TPH2: variants seen among roughly 807,000 people sequenced by gnomAD.
The protein encoded by TPH2 is tryptophan 5-hydroxylase 2.
Under a neutral mutation model 59.1 loss-of-function variants are expected in TPH2, and 27 were observed. The observed-to-expected ratio is 0.46, with a 90% CI of 0.34 to 0.63. TPH2 has a LOEUF of 0.63. Ranked by LOEUF, TPH2 falls within the 30% of genes least tolerant of loss-of-function variation. The pLI is 0.01. For missense variants in TPH2, 523 were observed against 588.3 expected, an observed-to-expected ratio of 0.89 and a Z score of 1.15; for synonymous variants, 220 against 210.5, an observed-to-expected ratio of 1.05 and a Z score of -0.39.
At chr12:71,966,529 A>G (rs181109380) in intron 5 of TPH2, among the ~76,000 whole-genome samples, 1 of 152,364 alleles carries the variant, frequency 6.6e-6, no homozygotes, top group East Asian at 1.9e-4. Context: ...TGAGAGGGAC[A>G]GTCTATTCCA....
intron 5 of TPH2, among the ~76,000 whole-genome samples, chr12:71,955,693 A>G (rs969635472): frequency 2.0e-5 from 3 of 152,194 alleles, no homozygotes; most frequent in African/African-American, 7.2e-5. Flanking sequence ...TTAGAACACT[A>G]CATGTGCTAT....
chr12:71,957,172 G>A (rs977009083), intron 5 of TPH2, among the ~76,000 whole-genome samples: 3 of 152,102 alleles, frequency 2.0e-5, no homozygotes, highest in Non-Finnish European at 4.4e-5. Context: ...GCATGATTGG[G>A]AGGATTAGCA....
Position 71,938,951 on chromosome 12 carries a change from C to T in TPH2, c.-36C>T, listed in dbSNP as rs1458783597. On this transcript the variant is annotated 5_prime_UTR_variant, in exon 1 of 11. Transcript: ENST00000333850. ...AGCGCTGCTACTGCCCCTCTAGTAC[C>T]CCCTGCTGCAGAGAAAGAATATTAC... 6.4e-7 allele frequency: 1 copy of T among 1,557,910 alleles called. No homozygotes were observed. Among genetic ancestry groups the T allele is most frequent in the Admixed American group, 1.7e-5 (1 of 59,954 alleles).
chr12:71,945,437 C>T (rs1325659883), intron 4 of TPH2, among the ~76,000 whole-genome samples: 1 of 151,974 alleles, frequency 6.6e-6, no homozygotes, highest in Admixed American at 6.6e-5. Flanking sequence ...TTTTTTCCCT[C>T]CCCCAGTGCC....
At chr12:71,962,352 A>C in intron 5 of TPH2, 7 of 985,428 alleles carry the variant, frequency 7.1e-6, no homozygotes, top group Non-Finnish European at 8.4e-6. Flanking sequence ...ACATCTCTGT[A>C]TTTAGTTAAG....
chr12:72,025,434 ATGT>A (rs1873541497), intron 9 of TPH2, among the ~76,000 whole-genome samples: 1 of 152,166 alleles, frequency 6.6e-6, no homozygotes, highest in South Asian at 2.1e-4. Flanking sequence ...TGAGACATAG[ATGT>A]TGTTCTTTAG....
In TPH2 at chr12:72,031,535, C is replaced by T; in HGVS notation, c.1313C>T (p.Ser438Leu). 8.7e-6 allele frequency: 14 copies of T among 1,613,522 alleles called. No individual in the cohort carries two copies. The highest frequency in any genetic ancestry group is 1.2e-5 in the Non-Finnish European group (14 of 1,179,638). ...AKEKMRDFAK[S>L]ITRPFSVYFN... The stretch of plus-strand genomic sequence containing the variant: ...TTATTCTGCAGGGACTTTGCAAAGT[C>T]AATTACCCGTCCCTTCTCAGTATAC... Residue 438 changes from serine to leucine, a missense_variant, in exon 11 of 11, where the codon TCA (serine) becomes TTA (leucine). Ser to Leu is a moderately radical substitution (Grantham distance 145). Coordinates refer to ENST00000333850, the MANE Select transcript of TPH2 (RefSeq NM_173353.4).
intron 7 of TPH2, among the ~76,000 whole-genome samples, chr12:71,981,723 G>T (rs902792415): frequency 2.6e-5 from 4 of 151,964 alleles, no homozygotes; most frequent in Non-Finnish European, 5.9e-5. Context: ...GGAGGGAAGA[G>T]AAAAGGAAAG....
chr12:71,958,445 T>C (rs1289823522), intron 5 of TPH2, among the ~76,000 whole-genome samples: 1 of 152,242 alleles, frequency 6.6e-6, no homozygotes, highest in Non-Finnish European at 1.5e-5. Flanking sequence ...GTAAAAGTTA[T>C]TCTCCTTACA....
intron 8 of TPH2, among the ~76,000 whole-genome samples, chr12:71,999,710 T>C (rs1173703420): frequency 2.0e-5 from 3 of 152,228 alleles, no homozygotes; most frequent in Admixed American, 1.3e-4. Flanking sequence ...GTATATATTA[T>C]GCTAAAGGGC....
intron 5 of TPH2, chr12:71,964,705 C>T: frequency 1.0e-6 from 1 of 985,322 alleles, no homozygotes; most frequent in African/African-American, 1.7e-5. Context: ...TTCTACACAC[C>T]TGGTGTGACA....
intron 5 of TPH2, among the ~76,000 whole-genome samples, chr12:71,958,080 T>A (rs10784942): frequency 0.84 from 127,302 of 152,200 alleles, 53,399 homozygotes; most frequent in East Asian, 0.96. Flanking sequence ...AGGAAACTGA[T>A]CTTCGGAGAC....
intron 8 of TPH2, among the ~76,000 whole-genome samples, chr12:72,008,526 C>T (rs1873015122): frequency 2.0e-5 from 3 of 152,168 alleles, no homozygotes; most frequent in Non-Finnish European, 4.4e-5. Flanking sequence ...CACAATGGCA[C>T]TTCAAGGGAG....
At chr12:71,996,114 G>A (rs962887246) in intron 8 of TPH2, among the ~76,000 whole-genome samples, 9 of 152,214 alleles carry the variant, frequency 5.9e-5, no homozygotes, top group African/African-American at 2.2e-4. Context: ...GATGCTGGCT[G>A]GGCCTGTAAT....
intron 8 of TPH2, among the ~76,000 whole-genome samples, chr12:72,016,214 T>C (rs190976468): frequency 2.1e-4 from 32 of 152,302 alleles, no homozygotes; most frequent in Admixed American, 2.1e-3. Context: ...CTTTATTAAA[T>C]GAGGAAGCCT....
chr12:71,941,414 G>A (rs1184827413), intron 1 of TPH2, among the ~76,000 whole-genome samples, 170 bp from the exon 2 acceptor site: 2 of 152,122 alleles, frequency 1.3e-5, no homozygotes, highest in Admixed American at 1.3e-4. Flanking sequence ...GAATAAATTA[G>A]ACCAATATTT....
intron 5 of TPH2, among the ~76,000 whole-genome samples, chr12:71,970,440 TC>T (rs1311011875): frequency 1.3e-5 from 2 of 152,250 alleles, no homozygotes; most frequent in African/African-American, 4.8e-5. Context: ...TGTTGAATAT[TC>T]AGGTCCCCTC....
intron 5 of TPH2, chr12:71,962,336 A>G (rs1341211007): frequency 1.3e-5 from 13 of 985,322 alleles, no homozygotes; most frequent in Non-Finnish European, 7.2e-6. Flanking sequence ...ATGTTCAGCC[A>G]AGGAAACATC....
intron 5 of TPH2, among the ~76,000 whole-genome samples, chr12:71,967,797 C>T (rs1871859444): frequency 6.6e-6 from 1 of 152,146 alleles, no homozygotes; most frequent in African/African-American, 2.4e-5. Flanking sequence ...AAGCAAGTTC[C>T]TTAGCAACAT....
Sources: allele counts gnomAD v4.1 joint callset (sites outside exome capture counted in the v4.1 genomes callset), GRCh38; gene constraint gnomAD v4.1.1; transcripts MANE v1.5; gene names NCBI Gene and HGNC (gene_info 2026-07-23, HGNC 2026-07-21).